Variants in ADAMTSL3 observed in about 807,000 individuals in gnomAD.
ADAMTSL3 encodes ADAMTS-like protein 3.
In ADAMTSL3, 128 loss-of-function variants were observed where a neutral mutation model predicts 201.7. That is an observed-to-expected ratio of 0.63 (90% CI 0.55 to 0.73). The LOEUF is 0.73. ADAMTSL3 is among the 30% of genes least tolerant of loss of function. The pLI is 0.00. For missense variants in ADAMTSL3, 1,990 were observed against 2,119.6 expected (o/e 0.94, Z 1.20); for synonymous variants, 738 against 748.4 (o/e 0.99, Z 0.23).
chr15:83,663,168 T>A (rs1401144263), intron 2 of ADAMTSL3, among the ~76,000 whole-genome samples: 1 of 152,180 alleles, frequency 6.6e-6, no homozygotes, highest in Non-Finnish European at 1.5e-5. Context: ...TGCTGCCTCC[T>A]CTCTCTGTCC....
At position 83,766,872 on chromosome 15, in the gene ADAMTSL3, A is replaced by T. The variant is rs527548201; in HGVS notation, c.190-6651A>T. Among the ~76,000 whole-genome samples, 4 of 152,332 alleles carry T rather than the reference A, an allele frequency of 2.6e-5. No homozygotes were observed. In the East Asian group the frequency reaches 5.8e-4, roughly 22 times the overall value. On this transcript the variant is annotated intron_variant, in intron 3 of 29. Coordinates refer to ENST00000286744, the MANE Select transcript of ADAMTSL3 (RefSeq NM_207517.3). ...CACTTTGGGAGGCCTAGGCGGGCGG[A>T]TCACCTGAGGTCAGGAGTTCAAGAC...
intron 6 of ADAMTSL3, among the ~76,000 whole-genome samples, chr15:83,831,384 A>G (rs2064154468): frequency 6.6e-6 from 1 of 152,184 alleles, no homozygotes; most frequent in Non-Finnish European, 1.5e-5. Context: ...AAAAAGTATG[A>G]ATCAGAAGAA....
At chr15:83,802,884 G>T (rs4843158) in intron 4 of ADAMTSL3, among the ~76,000 whole-genome samples, 1 of 152,044 alleles carries the variant, frequency 6.6e-6, no homozygotes, top group Non-Finnish European at 1.5e-5. Context: ...AACATAATCA[G>T]GAAAGGTAAT....
intron 2 of ADAMTSL3, among the ~76,000 whole-genome samples, chr15:83,663,171 C>T (rs1258860251): frequency 6.6e-6 from 1 of 152,202 alleles, no homozygotes; most frequent in Non-Finnish European, 1.5e-5. Context: ...TGCCTCCTCT[C>T]TCTGTCCTGC....
chr15:83,743,438 G>A (rs1041887374), intron 3 of ADAMTSL3, among the ~76,000 whole-genome samples: 8 of 151,020 alleles, frequency 5.3e-5, no homozygotes, highest in African/African-American at 1.9e-4. Context: ...GCGTGAACCC[G>A]GGAAGCGGAG....
intron 3 of ADAMTSL3, among the ~76,000 whole-genome samples, chr15:83,760,291 T>G (rs1470217763): frequency 6.6e-6 from 1 of 152,198 alleles, no homozygotes; most frequent in Non-Finnish European, 1.5e-5. Context: ...GTGATTAATT[T>G]TTAACCTATG....
At chr15:83,970,710 C>T in intron 20 of ADAMTSL3, 73 bp downstream of exon 20, 1 of 1,553,346 alleles carries the variant, frequency 6.4e-7, no homozygotes, top group Non-Finnish European at 8.8e-7. Flanking sequence ...CTTTATTTTC[C>T]ATACGTCAAC....
At chr15:83,766,506 A>T (rs2062894096) in intron 3 of ADAMTSL3, among the ~76,000 whole-genome samples, 1 of 152,184 alleles carries the variant, frequency 6.6e-6, no homozygotes, top group African/African-American at 2.4e-5. Context: ...CTTCATAGAG[A>T]TATCGAAAGA....
Position 83,655,713 on chromosome 15 carries a change from CTT to C in ADAMTSL3, c.-33-14_-33-13del. ...GGCCAGAGCTGGTTGGTAATGAACT[CTT>C]TCCTCGTTTGTAGGCTACAACTGAG... is the stretch of plus-strand genomic sequence containing the variant. On this transcript the variant is annotated splice_polypyrimidine_tract_variant and intron_variant, in intron 1 of 29. Coordinates refer to ENST00000286744, the MANE Select transcript of ADAMTSL3 (RefSeq NM_207517.3). 2 of 1,596,306 alleles carry C rather than the reference CTT, an allele frequency of 1.3e-6. No homozygotes were observed. The highest frequency in any genetic ancestry group is 2.7e-5 in the African/African-American group (2 of 74,632).
intron 2 of ADAMTSL3, among the ~76,000 whole-genome samples, chr15:83,668,333 G>GT (rs1342680578): frequency 2.0e-5 from 3 of 150,854 alleles, no homozygotes; most frequent in African/African-American, 4.9e-5. Flanking sequence ...TATTGATTCT[G>GT]TTTTTTTGGT....
chr15:83,851,502 A>T (rs1290254153), intron 7 of ADAMTSL3, among the ~76,000 whole-genome samples: 2 of 152,224 alleles, frequency 1.3e-5, no homozygotes, highest in African/African-American at 4.8e-5. Context: ...CTACATTCAC[A>T]AAGATTTTGC....
chr15:83,949,193 A>G (rs1408870290), intron 19 of ADAMTSL3, among the ~76,000 whole-genome samples: 2 of 151,684 alleles, frequency 1.3e-5, no homozygotes, highest in African/African-American at 4.8e-5. Flanking sequence ...CCATCCTTCT[A>G]CTCTCTATCT....
intron 27 of ADAMTSL3, among the ~76,000 whole-genome samples, chr15:84,028,656 G>A (rs2068351753): frequency 6.6e-6 from 1 of 152,128 alleles, no homozygotes; most frequent in Admixed American, 6.5e-5. Flanking sequence ...TTCAAGATTT[G>A]CCCTGTCATT....
chr15:83,765,867 C>CT (rs1596165912), intron 3 of ADAMTSL3, among the ~76,000 whole-genome samples: 2 of 151,850 alleles, frequency 1.3e-5, no homozygotes, highest in East Asian at 3.8e-4. Flanking sequence ...TTCCTTTTCC[C>CT]TTTAAAAAAA....
Position 83,667,755 on chromosome 15 carries a change from T to C in ADAMTSL3, c.69+11925T>C, listed in dbSNP as rs186062946. 9.2e-5 allele frequency among the ~76,000 whole-genome samples: 14 copies of C among 152,218 alleles called. No homozygotes were observed. In the East Asian group the frequency reaches 2.5e-3, roughly 27 times the overall value. On this transcript the variant is annotated intron_variant, in intron 2 of 29. Transcript: ENST00000286744. Reference sequence around the variant, plus strand: ...ACCAAAAATGACATGGTACATAGAATTGAAAGGGAACCCTTATTGACCAAA... The same window carrying C: ...ACCAAAAATGACATGGTACATAGAACTGAAAGGGAACCCTTATTGACCAAA...
intron 5 of ADAMTSL3, among the ~76,000 whole-genome samples, chr15:83,809,694 A>G (rs1299489215): frequency 1.3e-5 from 2 of 152,220 alleles, no homozygotes; most frequent in African/African-American, 2.4e-5. Flanking sequence ...AGTTTTAAAA[A>G]CATTTCCCTC....
chr15:83,914,352 A>G (rs896168488), intron 16 of ADAMTSL3, among the ~76,000 whole-genome samples: 1 of 152,264 alleles, frequency 6.6e-6, no homozygotes, highest in Non-Finnish European at 1.5e-5. Flanking sequence ...ATTGTGCCTG[A>G]ACCCCTCACT....
chr15:83,732,547 A>G (rs2062297120), intron 3 of ADAMTSL3, among the ~76,000 whole-genome samples: 1 of 152,132 alleles, frequency 6.6e-6, no homozygotes, highest in African/African-American at 2.4e-5. Context: ...ATGGGCAATA[A>G]TATATACCAG....
At position 83,845,777 on chromosome 15, in the gene ADAMTSL3, A is replaced by G. The variant is rs558018748; in HGVS notation, c.727+7562A>G. Among the ~76,000 whole-genome samples the G allele has an allele frequency of 2.6e-5, 4 of 152,336 alleles. No homozygotes were observed. The East Asian group carries it at 5.8e-4, about 22-fold the overall frequency. On this transcript the variant is annotated intron_variant, in intron 7 of 29. Coordinates refer to ENST00000286744, the MANE Select transcript of ADAMTSL3 (RefSeq NM_207517.3). ...TCTTAAAGGGCCCAGGAAATTTTAG[A>G]TACACCACAAGAATGAGTTGGTGTG...
Sources: gnomAD v4.1 joint callset for allele counts (sites outside exome capture counted in the v4.1 genomes callset) on GRCh38, gnomAD v4.1.1 for gene constraint, MANE v1.5 for transcripts, NCBI Gene and HGNC (gene_info 2026-07-23, HGNC 2026-07-21) for gene names.